Variants in HHLA1 observed in about 807,000 individuals in gnomAD.
The protein encoded by HHLA1 is HERV-H LTR-associating protein 1.
HHLA1 carries 72 observed loss-of-function variants against 69.9 expected under a neutral mutation model. The observed-to-expected ratio is 1.03, with a 90% CI of 0.85 to 1.25. HHLA1 has a LOEUF of 1.25. HHLA1 is among the 50% of genes most tolerant of loss of function. The pLI, the probability that HHLA1 is intolerant of heterozygous loss-of-function variation, is 0.00. For missense variants in HHLA1, 685 were observed against 642.2 expected (o/e 1.07, Z -0.72); for synonymous variants, 252 against 233.2 (o/e 1.08, Z -0.73).
chr8:132,096,570 A>G (rs1168512054), intron 5 of HHLA1, among the ~76,000 whole-genome samples: 1 of 152,132 alleles, frequency 6.6e-6, no homozygotes, highest in Non-Finnish European at 1.5e-5. Context: ...TACATGCATG[A>G]GCATCTTATC....
chr8:132,086,266 C>T (rs1823860644), intron 10 of HHLA1, among the ~76,000 whole-genome samples: 1 of 152,172 alleles, frequency 6.6e-6, no homozygotes, highest in South Asian at 2.1e-4. Flanking sequence ...GTTGGGAAGA[C>T]AAAGACTGGC....
intron 7 of HHLA1, among the ~76,000 whole-genome samples, chr8:132,091,120 T>C (rs1247004622): frequency 6.6e-6 from 1 of 152,216 alleles, no homozygotes; most frequent in Non-Finnish European, 1.5e-5. Flanking sequence ...CTTCTAAAAA[T>C]TCTCCTTTGT....
intron 10 of HHLA1, chr8:132,085,564 G>T (rs572930917): frequency 2.3e-5 from 6 of 256,972 alleles, no homozygotes; most frequent in South Asian, 1.1e-4. Context: ...ATGCGCGTCC[G>T]TGTGAAGAGA....
At chr8:132,082,250 TAG>T (rs1262624567) in intron 10 of HHLA1, among the ~76,000 whole-genome samples, 2 of 152,152 alleles carry the variant, frequency 1.3e-5, no homozygotes, top group Admixed American at 1.3e-4. Context: ...ATGAGAACTG[TAG>T]AGAGTGAGTT....
chr8:132,068,050 A>G (rs774579112), intron 15 of HHLA1, among the ~76,000 whole-genome samples: 76 of 152,364 alleles, frequency 5.0e-4, no homozygotes, highest in Non-Finnish European at 9.6e-4. Flanking sequence ...TTCTTACAAC[A>G]GCAACAAAAC....
chr8:132,105,844 G>A (rs1256106258), intron 1 of HHLA1, among the ~76,000 whole-genome samples: 3 of 152,160 alleles, frequency 2.0e-5, no homozygotes, highest in Non-Finnish European at 4.4e-5. Context: ...CTCAAATACA[G>A]CATCACTTAC....
Position 132,079,788 on chromosome 8 carries a change from GC to G in HHLA1, c.854del (p.Gly285AlafsTer35), listed in dbSNP as rs775753993. 1.2e-4 allele frequency: 184 copies of G among 1,551,696 alleles called. 5 individuals carry two copies. The South Asian group carries it at 2.0e-3, about 17-fold the overall frequency. The stretch of plus-strand genomic sequence containing the variant: ...CCCTGGCTGGAAGCTCAGGAGGCCT[GC>G]CTGTGTTCAGGGTCTCCTCTGTTTC... ...PSETEETLNT[G>X]RPPELPARAT... On this transcript the variant is annotated frameshift_variant, in exon 11 of 17. Coordinates refer to ENST00000414222, the MANE Select transcript of HHLA1 (RefSeq NM_001145095.3). LOFTEE classifies it high-confidence loss of function.
intron 10 of HHLA1, among the ~76,000 whole-genome samples, chr8:132,082,733 A>G (rs1401544680): frequency 6.6e-6 from 1 of 152,104 alleles, no homozygotes; most frequent in Non-Finnish European, 1.5e-5. Flanking sequence ...TCAAGCACGG[A>G]ATAGTGAGTT....
Position 132,104,133 on chromosome 8 carries a change from C to T in HHLA1, c.114G>A (p.Lys38=). The change falls in exon 3 of 17, where the codon AAG becomes AAA. Residue 38 remains lysine (K), a synonymous_variant. Coordinates refer to ENST00000414222, the MANE Select transcript of HHLA1 (RefSeq NM_001145095.3). ...CTGTTGTAGGTAAAAAGGTCATTCC[C>T]TTCTCTTTCTTGGCTTCTCCTTTGA... ...SGIKGEAKKE[K]GMTFLPTTVS... is the part of the protein sequence containing the mutation. 3 of 1,551,212 alleles carry T rather than the reference C, an allele frequency of 1.9e-6. No homozygotes were observed. Among genetic ancestry groups the T allele is most frequent in the South Asian group, 1.2e-5 (1 of 84,020 alleles).
At chr8:132,108,147 A>T (rs1824236578) in intron 1 of HHLA1, among the ~76,000 whole-genome samples, 1 of 152,186 alleles carries the variant, frequency 6.6e-6, no homozygotes, top group African/African-American at 2.4e-5. Context: ...CTGCAGTGCA[A>T]CTTACTAAAC....
chr8:132,110,046 T>A (rs1824269707), intron 1 of HHLA1, among the ~76,000 whole-genome samples: 1 of 152,022 alleles, frequency 6.6e-6, no homozygotes, highest in South Asian at 2.1e-4. Context: ...TTAAACAGTG[T>A]GTTACCGCCA....
rs1345931518 is a variant in HHLA1 at position 132,064,001 on chromosome 8, A to T, written c.1590T>A (p.Ser530=). The T allele has an allele frequency of 1.5e-6, 2 of 1,302,428 alleles. No homozygotes were observed. The allele number at this position is 1,302,428 out of a possible 1,614,324, so 80.7% of individuals were successfully genotyped here. The change falls in exon 17 of 17, where the codon TCT becomes TCA. Residue 530 remains serine, a synonymous_variant. Coordinates refer to ENST00000414222, the MANE Select transcript of HHLA1 (RefSeq NM_001145095.3). The part of the protein sequence containing the change: ...KQKCLENICK[S]V The stretch of plus-strand genomic sequence containing the variant: ...TAGTGTTATTTTCAAGGCCTCACAC[A>T]GACTTGCAGATATTCTCAAGGCACT...
intron 1 of HHLA1, among the ~76,000 whole-genome samples, chr8:132,108,481 C>T (rs1824241932): frequency 6.6e-6 from 1 of 152,106 alleles, no homozygotes; most frequent in African/African-American, 2.4e-5. Flanking sequence ...GTCATTATTT[C>T]ACTACATTTC....
At position 132,063,878 on chromosome 8, in the gene HHLA1, G is replaced by T. The variant is rs1311730251; in HGVS notation, c.*117C>A. The T allele has an allele frequency of 5.5e-6, 2 of 364,926 alleles. No individual in the cohort carries two copies. Among genetic ancestry groups the T allele is most frequent in the Admixed American group, 4.0e-5 (1 of 24,732 alleles). 22.6% of individuals were successfully genotyped at this position (364,926 alleles called of 1,614,324 possible). On this transcript the variant is annotated 3_prime_UTR_variant, in exon 17 of 17. Coordinates refer to ENST00000414222, the MANE Select transcript of HHLA1 (RefSeq NM_001145095.3). ...CAAGAATAACCACTTTAAATTAACT[G>T]ATGATCTAGCTGGAGCCTGGGTGAA... is the stretch of plus-strand genomic sequence containing the variant.
intron 1 of HHLA1, among the ~76,000 whole-genome samples, chr8:132,109,391 A>G (rs1247916461): frequency 6.6e-6 from 1 of 151,992 alleles, no homozygotes; most frequent in Non-Finnish European, 1.5e-5. Context: ...AGCTCCCTTT[A>G]GGGTTTCTAT....
intron 11 of HHLA1, among the ~76,000 whole-genome samples, chr8:132,079,225 C>T (rs1563742794): frequency 6.6e-6 from 1 of 152,322 alleles, no homozygotes; most frequent in East Asian, 1.9e-4. Context: ...GGTGTTAAGT[C>T]ATTAACATAT....
intron 3 of HHLA1, among the ~76,000 whole-genome samples, chr8:132,103,748 T>C (rs1824155537): frequency 6.6e-6 from 1 of 152,240 alleles, no homozygotes. Flanking sequence ...CAGACTCCTC[T>C]TGTCCTTTCT....
chr8:132,101,823 C>T (rs1483895185), intron 3 of HHLA1, among the ~76,000 whole-genome samples: 7 of 152,198 alleles, frequency 4.6e-5, no homozygotes, highest in Admixed American at 6.5e-5. Flanking sequence ...CTGCCTGCCT[C>T]GGCTTCCCAA....
At position 132,077,728 on chromosome 8, in the gene HHLA1, A is replaced by G. The variant is rs2280851; in HGVS notation, c.1169T>C (p.Leu390Ser). 1,187,277 of 1,550,938 alleles carry G rather than the reference A, an allele frequency of 0.77. 455,003 individuals are homozygous for G. Among genetic ancestry groups the G allele is most frequent in the Admixed American group, 0.8 (40,596 of 50,978 alleles). ...PGSPSQASPT[L>S]GAFTHGTQTP... is the part of the protein sequence containing the mutation. The stretch of plus-strand genomic sequence containing the variant: ...TAGAAGTGAGCACCCTCTCTTACCC[A>G]AGGTAGGGCTGGCCTGGGATGGGCT... The change falls in exon 12 of 17, where the codon TTG becomes TCG. Residue 390 changes from leucine to serine, a missense_variant and splice_region_variant. Physicochemically the swap from Leu to Ser is moderately radical, Grantham distance 145. Transcript: ENST00000414222.
Sources: allele counts gnomAD v4.1 joint callset (sites outside exome capture counted in the v4.1 genomes callset), GRCh38; gene constraint gnomAD v4.1.1; transcripts MANE v1.5; gene names NCBI Gene and HGNC (gene_info 2026-07-23, HGNC 2026-07-21).